NT5DC4: variants seen among roughly 807,000 people sequenced by gnomAD.
NT5DC4 encodes 5'-nucleotidase domain containing 4.
In NT5DC4, 44 loss-of-function variants were observed where a neutral mutation model predicts 26.6. The ratio of observed to expected loss-of-function variants is 1.65; its 90% CI spans 1.30 to 2.13. The LOEUF (loss-of-function observed/expected upper bound fraction) is 2.13, where lower values mean the gene tolerates loss of function less well. NT5DC4 is among the 30% of genes most tolerant of loss of function. NT5DC4 has a pLI of 0.00. For missense variants in NT5DC4, 399 were observed against 228.1 expected, an observed-to-expected ratio of 1.75 and a Z score of -4.83; for synonymous variants, 157 against 86.7, an observed-to-expected ratio of 1.81 and a Z score of -4.51.
At chr2:112,722,948 C>T (rs1677130476) in intron 6 of NT5DC4, 133 bp from the exon 7 acceptor site, 4 of 353,452 alleles carry the variant, frequency 1.1e-5, no homozygotes, top group African/African-American at 9.6e-5. Flanking sequence ...GATGCCCCTC[C>T]CAGGATGTCT....
upstream of NT5DC4, among the ~76,000 whole-genome samples, chr2:112,719,924 C>CTTTCTTTCTTTCTTTCTCTTTCTT (rs758520099): frequency 2.9e-5 from 2 of 69,154 alleles, no homozygotes; most frequent in Middle Eastern, 6.6e-3. Context: ...TTCTTTCTTT[C>CTTTCTTTCTTTCTTTCTCTTTCTT]TCTTTCTTTC....
intron 13 of NT5DC4, among the ~76,000 whole-genome samples, 154 bp from the exon 14 acceptor site, chr2:112,726,084 G>T (rs1381402929): frequency 2.0e-5 from 3 of 152,122 alleles, no homozygotes; most frequent in Non-Finnish European, 1.5e-5. Context: ...CCTCAGTCTG[G>T]GCAGAGTCTC....
At chr2:112,731,123 G>A (rs1678438160) in intron 16 of NT5DC4, 1 of 151,962 alleles carries the variant, frequency 6.6e-6, no homozygotes, top group South Asian at 2.1e-4. Flanking sequence ...AAGTTACATC[G>A]AGGCTGACGG....
At position 112,724,928 on chromosome 2, in the gene NT5DC4, G is replaced by T. The variant is rs757344845; in HGVS notation, c.915+22G>T. 4.2e-6 allele frequency: 3 copies of T among 715,984 alleles called. 1 individual carries two copies. The South Asian group carries it at 4.4e-5, about 11-fold the overall frequency. 44.4% of individuals were successfully genotyped at this position (715,984 alleles called of 1,614,324 possible). ...AGAGGTCAGTCCACCTGCACCCATG[G>T]ACCACGGTTGGGGAGGGCAGCCTGC... On this transcript the variant is annotated intron_variant, in intron 11 of 16. Coordinates refer to ENST00000688554, the MANE Select transcript of NT5DC4 (RefSeq NM_001393655.1).
intron 15 of NT5DC4, 105 bp downstream of exon 15, chr2:112,726,843 G>GT: frequency 4.3e-6 from 3 of 705,332 alleles, no homozygotes; most frequent in East Asian, 5.4e-5. Context: ...CAAAGGCCCA[G>GT]TTACCCCATT....
chr2:112,736,905 G>A (rs529830794), intron 16 of NT5DC4: 9 of 152,164 alleles, frequency 5.9e-5, no homozygotes, highest in Non-Finnish European at 1.3e-4. Flanking sequence ...TGTGAGTGCA[G>A]ATATCTTTAT....
In NT5DC4 at chr2:112,722,733, C is replaced by G; in HGVS notation, c.489C>G (p.Cys163Trp). 1.4e-6 allele frequency: 1 copy of G among 717,698 alleles called. No homozygotes were observed. The allele number at this position is 717,698 out of a possible 1,614,324, so 44.5% of individuals were successfully genotyped here. A position where few individuals can be genotyped will look rare whatever the true frequency, so the allele number is the denominator to read the frequency against. ...CCCCAGAAACCTACCTCTATGCCTGCTTGGTGGACTTCTTCTCTGGCTGCT... is the reference window on the plus strand; with the variant it reads ...CCCCAGAAACCTACCTCTATGCCTGGTTGGTGGACTTCTTCTCTGGCTGCT... ...FNLPETYLYACLVDFFSGCSR... is the reference protein window; with the variant it reads ...FNLPETYLYAWLVDFFSGCSR... Residue 163 changes from cysteine to tryptophan, a missense_variant, in exon 6 of 17, where the codon TGC becomes TGG. By Grantham distance (215) the Cys-to-Trp change is radical. Coordinates refer to ENST00000688554, the MANE Select transcript of NT5DC4 (RefSeq NM_001393655.1).
intron 13 of NT5DC4, among the ~76,000 whole-genome samples, 161 bp from the exon 14 acceptor site, chr2:112,726,077 C>G (rs940799697): frequency 6.6e-6 from 1 of 152,190 alleles, no homozygotes; most frequent in East Asian, 1.9e-4. Context: ...GTCCCTGCCT[C>G]AGTCTGGGCA....
chr2:112,737,465 T>C (rs1679370258), intron 16 of NT5DC4: 1 of 152,222 alleles, frequency 6.6e-6, no homozygotes, highest in South Asian at 2.1e-4. Context: ...ACATTATTCT[T>C]ATGATTAATG....
chr2:112,719,942 C>G, upstream of NT5DC4, among the ~76,000 whole-genome samples: 1 of 96,526 alleles, frequency 1.0e-5, no homozygotes, highest in Non-Finnish European at 2.0e-5. Flanking sequence ...TTCTTTCTTT[C>G]TTTCTTTCTT....
chr2:112,719,288 TGGGC>T (rs1261175409), upstream of NT5DC4, among the ~76,000 whole-genome samples: 1 of 152,218 alleles, frequency 6.6e-6, no homozygotes, highest in Non-Finnish European at 1.5e-5. Flanking sequence ...AGTCCACTGT[TGGGC>T]GGAACATCGT....
At chr2:112,724,952 G>T in intron 11 of NT5DC4, 46 bp downstream of exon 11, 1 of 712,886 alleles carries the variant, frequency 1.4e-6, no homozygotes, top group Admixed American at 2.0e-5. Flanking sequence ...AGGGCAGCCT[G>T]CCTGCCCCTT....
At chr2:112,719,934 C>CTTTCTTCCTT (rs1676702255), upstream of NT5DC4, among the ~76,000 whole-genome samples, 1 of 65,952 alleles carries the variant, frequency 1.5e-5, no homozygotes, top group African/African-American at 6.7e-5. Context: ...CTCTTTCTTT[C>CTTTCTTCCTT]TTTCTTTCTT....
chr2:112,737,375 A>G (rs906114265), intron 16 of NT5DC4: 1 of 152,120 alleles, frequency 6.6e-6, no homozygotes, highest in African/African-American at 2.4e-5. Flanking sequence ...TTTCTCCACA[A>G]TCTCATCAAC....
At chr2:112,726,827 C>G (rs888094341) in intron 15 of NT5DC4, 89 bp downstream of exon 15, 12 of 712,452 alleles carry the variant, frequency 1.7e-5, no homozygotes, top group East Asian at 1.1e-4. Context: ...GCTTTGTCCT[C>G]GGTGCCAAAG....
intron 15 of NT5DC4, among the ~76,000 whole-genome samples, chr2:112,727,445 C>T (rs918255562): frequency 1.3e-5 from 2 of 152,132 alleles, no homozygotes; most frequent in Non-Finnish European, 2.9e-5. Flanking sequence ...GTGGGGCCTG[C>T]CAGGATAGTA....
In NT5DC4 at chr2:112,722,487, C is replaced by G; in HGVS notation, c.367C>G (p.Pro123Ala). 1 of 717,262 alleles carries G rather than the reference C, an allele frequency of 1.4e-6. No individual in the cohort carries two copies. Among genetic ancestry groups the G allele is most frequent in the East Asian group, 2.7e-5 (1 of 37,268 alleles). 44.4% of individuals were successfully genotyped at this position (717,262 alleles called of 1,614,324 possible). ...GGGGTCATTGGCTGCACCCAGCCTA[C>G]CCCTCCTCAGGGCAGAGATCTGGAG... Reference protein sequence around the residue: ...AYGFTFLSDLPLLRAEIWSFY... With the variant: ...AYGFTFLSDLALLRAEIWSFY... The change falls in exon 5 of 17, where the codon CCC becomes GCC. Residue 123 changes from proline to alanine, a missense_variant. Physicochemically the swap from Pro to Ala is conservative, Grantham distance 27. Coordinates refer to ENST00000688554, the MANE Select transcript of NT5DC4 (RefSeq NM_001393655.1).
At chr2:112,720,012 C>CCCTTCCTTCCTTCCTTCCTTCCTTCCTT (rs770903380), upstream of NT5DC4, among the ~76,000 whole-genome samples, 43 of 97,654 alleles carry the variant, frequency 4.4e-4, no homozygotes, top group Admixed American at 1.5e-3. Flanking sequence ...CTTTTCTTTT[C>CCCTTCCTTCCTTCCTTCCTTCCTTCCTT]CCTTCCTTCC....
At position 112,738,900 on chromosome 2, in the gene NT5DC4, C is replaced by T; in HGVS notation, c.1345-13C>T. 10 of 1,614,114 alleles carry T rather than the reference C, an allele frequency of 6.2e-6. No homozygotes were observed. The highest frequency in any genetic ancestry group is 8.5e-6 in the Non-Finnish European group (10 of 1,179,982). On this transcript the variant is annotated splice_polypyrimidine_tract_variant and intron_variant, in intron 16 of 16. Coordinates refer to ENST00000688554, the MANE Select transcript of NT5DC4 (RefSeq NM_001393655.1). ...CGGAATATAAAACATTTTGTTTCTT[C>T]CACTTCTAACAGTTCATCAAGAGAA... is the stretch of plus-strand genomic sequence containing the variant.
Sources: allele counts gnomAD v4.1 joint callset (sites outside exome capture counted in the v4.1 genomes callset), GRCh38; gene constraint gnomAD v4.1.1; transcripts MANE v1.5; gene names NCBI Gene and HGNC (gene_info 2026-07-23, HGNC 2026-07-21).